Variants in G3BP2 observed in about 807,000 individuals in gnomAD.
G3BP2 encodes ras GTPase-activating protein-binding protein 2.
A neutral mutation model predicts 56.7 loss-of-function variants in G3BP2; 11 were observed. The ratio of observed to expected loss-of-function variants is 0.19; its 90% CI spans 0.12 to 0.32. The LOEUF is 0.32. Ranked by LOEUF, G3BP2 falls within the 10% of genes least tolerant of loss-of-function variation. The pLI is 1.00. For synonymous variants in G3BP2, 165 were observed against 191.6 expected (o/e 0.86, Z 1.15); for missense variants, 340 against 610.9 (o/e 0.56, Z 4.67).
At chr4:75,653,704 G>A (rs1458277477) in intron 8 of G3BP2, among the ~76,000 whole-genome samples, 3 of 151,402 alleles carry the variant, frequency 2.0e-5, no homozygotes, top group Non-Finnish European at 4.4e-5. Context: ...TTTGAAAAAG[G>A]AACATTCTTT....
chr4:75,675,883 C>G (rs182249710), upstream of G3BP2, among the ~76,000 whole-genome samples: 3 of 152,172 alleles, frequency 2.0e-5, no homozygotes, highest in South Asian at 4.1e-4. Context: ...TGGTTTTGAG[C>G]GCCACGTATG....
intron 8 of G3BP2, among the ~76,000 whole-genome samples, chr4:75,652,450 C>T (rs544066989): frequency 5.0e-4 from 76 of 152,116 alleles, no homozygotes; most frequent in African/African-American, 1.7e-3. Context: ...GGTGAAACCC[C>T]GTCTCTACTA....
intron 3 of G3BP2, among the ~76,000 whole-genome samples, chr4:75,683,366 A>G (rs1406389871): frequency 6.6e-6 from 1 of 152,136 alleles, no homozygotes; most frequent in Non-Finnish European, 1.5e-5. Flanking sequence ...ATTTGAGACC[A>G]GCCTGGCCAA....
intron 3 of G3BP2, among the ~76,000 whole-genome samples, chr4:75,700,901 C>T (rs553767742): frequency 4.1e-4 from 63 of 152,006 alleles, no homozygotes; most frequent in Non-Finnish European, 7.8e-4. Context: ...TGCAATGGTG[C>T]GATCTCAGCT....
Position 75,699,876 on chromosome 4 carries a change from A to G in G3BP2, c.-25+21001T>C, listed in dbSNP as rs1385444090. Among the ~76,000 whole-genome samples, 4 of 152,192 alleles carry G rather than the reference A, an allele frequency of 2.6e-5. No individual in the cohort carries two copies. The East Asian group carries it at 7.7e-4, about 29-fold the overall frequency. On this transcript the variant is annotated intron_variant, in intron 3 of 3. Coordinates refer to the G3BP2 transcript ENST00000499709. ...AGAATGTAGGAAATGGGAAACAAAAAATATACTTACCATAATTACATCACC... is the reference window on the plus strand; with the variant it reads ...AGAATGTAGGAAATGGGAAACAAAAGATATACTTACCATAATTACATCACC...
intron 3 of G3BP2, 98 bp from the exon 4 acceptor site, chr4:75,657,828 A>G (rs1272058677): frequency 4.1e-6 from 3 of 725,870 alleles, no homozygotes; most frequent in Non-Finnish European, 6.8e-6. Flanking sequence ...CAACTCTGCA[A>G]TATTAACTAA....
rs1301061476 is a variant in G3BP2, at chr4:75,645,539, C to T, written c.1340G>A (p.Arg447His). The change falls in exon 12 of 12, where the codon CGT becomes CAT. Residue 447 changes from arginine to histidine, a missense_variant. Around this residue, in one of 4 missense-constraint regions of G3BP2, gnomAD observed 94 missense variants for 173.8 expected, o/e 0.54. Transcript: ENST00000359707. The stretch of plus-strand genomic sequence containing the variant: ...AGGAGGTCCTCTTCCATCACGATCA[C>T]GCATCATTCCACCACCCACAATTCC... Reference protein sequence around the residue: ...PRGIVGGGMMRDRDGRGPPPR... With the variant: ...PRGIVGGGMMHDRDGRGPPPR... 2.5e-6 allele frequency: 4 copies of T among 1,614,018 alleles called. No homozygotes were observed. Among genetic ancestry groups the T allele is most frequent in the Middle Eastern group, 1.6e-4 (1 of 6,062 alleles).
Position 75,644,944 on chromosome 4 carries a change from A to C in G3BP2, c.*486T>G, listed in dbSNP as rs1312294117. 6.4e-6 allele frequency: 1 copy of C among 155,454 alleles called. No individual in the cohort carries two copies. The highest frequency in any genetic ancestry group is 1.4e-5 in the Non-Finnish European group (1 of 70,218). The allele number at this position is 155,454 out of a possible 1,614,324, so 9.6% of individuals were successfully genotyped here. ...CAGATGTCAATGTTAATGAGTTCAGAGTACCCATTAGTACATTTTGATGAG... is the reference window on the plus strand; with the variant it reads ...CAGATGTCAATGTTAATGAGTTCAGCGTACCCATTAGTACATTTTGATGAG... On this transcript the variant is annotated 3_prime_UTR_variant, in exon 12 of 12. Transcript: ENST00000359707.
intron 3 of G3BP2, among the ~76,000 whole-genome samples, chr4:75,696,108 G>A (rs2149088382): frequency 6.6e-6 from 1 of 152,152 alleles, no homozygotes; most frequent in South Asian, 2.1e-4. Flanking sequence ...CTGAAGAAAG[G>A]ACACATAAGA....
intron 3 of G3BP2, among the ~76,000 whole-genome samples, chr4:75,696,775 AT>A (rs1483849607): frequency 6.6e-6 from 1 of 152,150 alleles, no homozygotes; most frequent in African/African-American, 2.4e-5. Context: ...CAGCCTGCTA[AT>A]TTTATAACTG....
chr4:75,681,741 C>T (rs929230351), intron 3 of G3BP2, among the ~76,000 whole-genome samples: 7 of 149,868 alleles, frequency 4.7e-5, no homozygotes, highest in African/African-American at 1.7e-4. Flanking sequence ...CCCAGCTACT[C>T]GGGAGGCTGA....
chr4:75,648,683 C>T lies in G3BP2; in HGVS notation c.884G>A (p.Arg295Gln), dbSNP rs1222103553. ...QSQPPRVREQ[R>Q]PRERPGFPPR... ...AGGAAAACCAGGTCGTTCTCTAGGTCGTTGTTCACGCACACGAGGTGGCTG... is the reference window on the plus strand; with the variant it reads ...AGGAAAACCAGGTCGTTCTCTAGGTTGTTGTTCACGCACACGAGGTGGCTG... The change falls in exon 9 of 12, where the codon CGA (arginine) becomes CAA (glutamine). Residue 295 changes from arginine (R) to glutamine (Q), a missense_variant. Physicochemically the swap from Arg to Gln is conservative, Grantham distance 43 (BLOSUM62 1). Coordinates refer to ENST00000359707, the MANE Select transcript of G3BP2 (RefSeq NM_203505.3). 1.2e-6 allele frequency: 2 copies of T among 1,611,458 alleles called. No individual in the cohort carries two copies. Among genetic ancestry groups the T allele is most frequent in the Non-Finnish European group, 1.7e-6 (2 of 1,177,940 alleles).
chr4:75,660,589 T>C (rs1346722217), intron 2 of G3BP2, among the ~76,000 whole-genome samples: 1 of 152,168 alleles, frequency 6.6e-6, no homozygotes, highest in Non-Finnish European at 1.5e-5. Context: ...TAATTACAAA[T>C]AGAGCCAAGC....
chr4:75,691,579 C>A (rs1718859365), intron 3 of G3BP2, among the ~76,000 whole-genome samples: 1 of 152,216 alleles, frequency 6.6e-6, no homozygotes, highest in South Asian at 2.1e-4. Context: ...CTGCTACCCC[C>A]ACCCCCGACC....
intron 3 of G3BP2, among the ~76,000 whole-genome samples, chr4:75,706,294 G>C (rs1424031291): frequency 6.6e-6 from 1 of 152,146 alleles, no homozygotes; most frequent in Non-Finnish European, 1.5e-5. Flanking sequence ...TGACCAGGCT[G>C]TCTTTAAGTC....
At chr4:75,697,273 C>CAAAAAAAAA (rs869037819) in intron 3 of G3BP2, among the ~76,000 whole-genome samples, 2,074 of 28,560 alleles carry the variant, frequency 0.073, 323 homozygotes, top group East Asian at 0.1. Context: ...GACTCTGTCT[C>CAAAAAAAAA]AAAAAAAAAA....
chr4:75,667,051 C>T (rs1354157847), intron 1 of G3BP2, among the ~76,000 whole-genome samples: 1 of 151,938 alleles, frequency 6.6e-6, no homozygotes, highest in Non-Finnish European at 1.5e-5. Flanking sequence ...TTTTGGGAGG[C>T]CAAAGTGGGT....
chr4:75,664,704 C>G (rs1453337035), intron 1 of G3BP2, among the ~76,000 whole-genome samples: 1 of 151,894 alleles, frequency 6.6e-6, no homozygotes, highest in African/African-American at 2.4e-5. Context: ...AAATAATTAG[C>G]AGAGCTGATG....
chr4:75,723,225 C>T (rs1430604936), intron 1 of G3BP2, among the ~76,000 whole-genome samples: 9 of 152,144 alleles, frequency 5.9e-5, no homozygotes, highest in Non-Finnish European at 1.0e-4. Flanking sequence ...TAGGCAGGAG[C>T]TAAATCATAA....
Sources: allele counts gnomAD v4.1 joint callset (sites outside exome capture counted in the v4.1 genomes callset), GRCh38; gene constraint gnomAD v4.1.1; regional missense constraint gnomAD v4.1.1; transcripts MANE v1.5; gene names NCBI Gene and HGNC (gene_info 2026-07-23, HGNC 2026-07-21).